The following COX16 variants were observed in gnomAD, a reference collection of about 807,000 sequenced individuals.
COX16 encodes the protein cytochrome c oxidase assembly protein COX16 homolog, mitochondrial.
Under a neutral mutation model 15.4 loss-of-function variants are expected in COX16, and 12 were observed. The ratio of observed to expected loss-of-function variants is 0.78; its 90% CI spans 0.50 to 1.26. COX16 has a LOEUF of 1.26. Ranked by LOEUF, COX16 falls within the 50% of genes most tolerant of loss-of-function variation. COX16 has a pLI of 0.00. For missense variants in COX16, 124 were observed against 127.6 expected (o/e 0.97, Z 0.14); for synonymous variants, 46 against 41.1 (o/e 1.12, Z -0.46).
chr14:70,325,203 G>A lies in COX16; in HGVS notation c.*1130C>T, dbSNP rs571050480. 2.0e-5 allele frequency: 3 copies of A among 152,192 alleles called. No individual in the cohort carries two copies. The highest frequency in any genetic ancestry group is 7.2e-5 in the African/African-American group (3 of 41,458). The allele number at this position is 152,192 out of a possible 1,614,324, so 9.4% of individuals were successfully genotyped here. ...ATTATAACAGGAGTGTTTCAATGGA[G>A]ACTTTAGGCAACTAGAACTCAGCAT... On this transcript the variant is annotated 3_prime_UTR_variant, in exon 4 of 4. Coordinates refer to ENST00000389912, the MANE Select transcript of COX16 (RefSeq NM_016468.7).
chr14:70,328,545 GA>G (rs1886167792), intron 3 of COX16, among the ~76,000 whole-genome samples: 1 of 152,148 alleles, frequency 6.6e-6, no homozygotes, highest in African/African-American at 2.4e-5. Flanking sequence ...TTAGATGGGT[GA>G]AAAGTGATAC....
At position 70,328,643 on chromosome 14, in the gene COX16, G is replaced by T. The variant is rs899093154; in HGVS notation, c.204+531C>A. Among the ~76,000 whole-genome samples the T allele has an allele frequency of 4.6e-5, 7 of 152,228 alleles. No homozygotes were observed. In the South Asian group the frequency reaches 1.5e-3, roughly 32 times the overall value. ...GATACTTATTTCCTTTTGTCCAAAA[G>T]TTTTACATGCTATGCTTTCCCATGT... On this transcript the variant is annotated intron_variant, in intron 3 of 3. Coordinates refer to ENST00000389912, the MANE Select transcript of COX16 (RefSeq NM_016468.7).
chr14:70,335,788 TCCCTGACTTA>T (rs1425907507), intron 2 of COX16, among the ~76,000 whole-genome samples: 10 of 152,146 alleles, frequency 6.6e-5, no homozygotes, highest in African/African-American at 2.4e-4. Context: ...AGCTTGCTGA[TCCCTGACTTA>T]GATTTGAAGC....
At chr14:70,359,194 A>G (rs1887220876) in intron 1 of COX16, 2 of 486,824 alleles carry the variant, frequency 4.1e-6, no homozygotes, top group Non-Finnish European at 4.0e-6. Flanking sequence ...TTCTGACTGA[A>G]TTCTCTGAGC....
intron 1 of COX16, among the ~76,000 whole-genome samples, chr14:70,356,093 T>G (rs1321235900): frequency 6.6e-6 from 1 of 151,642 alleles, no homozygotes. Context: ...AAAAGAAAAT[T>G]CTTTCCTTTA....
intron 2 of COX16, among the ~76,000 whole-genome samples, chr14:70,335,608 A>G (rs1886427825): frequency 6.6e-6 from 1 of 151,888 alleles, no homozygotes; most frequent in Non-Finnish European, 1.5e-5. Context: ...AGAGTTAAAA[A>G]AAAAAAAAAA....
rs1305588520 is a variant in COX16, at chr14:70,359,418, C to G, written c.69+101G>C. 3.7e-5 allele frequency: 40 copies of G among 1,091,922 alleles called. No homozygotes were observed. In the Admixed American group the frequency reaches 7.0e-4, roughly 19 times the overall value. 67.6% of individuals were successfully genotyped at this position (1,091,922 alleles called of 1,614,324 possible). On this transcript the variant is annotated intron_variant, in intron 1 of 3. Coordinates refer to ENST00000389912, the MANE Select transcript of COX16 (RefSeq NM_016468.7). ...CGCTAGCTCCTTCCTAGCCCGAGTG[C>G]CAGCCCTTAACTTCACATTTTACAG...
intron 3 of COX16, among the ~76,000 whole-genome samples, chr14:70,328,795 C>T (rs1334441362): frequency 6.6e-6 from 1 of 151,858 alleles, no homozygotes; most frequent in Non-Finnish European, 1.5e-5. Flanking sequence ...TAATCTGTGA[C>T]TTTATATACT....
At chr14:70,327,596 A>G (rs1886122819) in intron 3 of COX16, among the ~76,000 whole-genome samples, 1 of 152,184 alleles carries the variant, frequency 6.6e-6, no homozygotes, top group Non-Finnish European at 1.5e-5. Flanking sequence ...CTAATTTAGC[A>G]TACAAGAAGA....
intron 1 of COX16, among the ~76,000 whole-genome samples, chr14:70,348,884 G>A (rs1886860461): frequency 6.6e-6 from 1 of 152,086 alleles, no homozygotes; most frequent in African/African-American, 2.4e-5. Flanking sequence ...TCCTATATCG[G>A]CTGGAAATGC....
At chr14:70,344,605 G>C (rs1436241965) in intron 1 of COX16, among the ~76,000 whole-genome samples, 1 of 152,194 alleles carries the variant, frequency 6.6e-6, no homozygotes, top group Non-Finnish European at 1.5e-5. Flanking sequence ...TTGGATTTCA[G>C]AAGACACCTG....
chr14:70,352,661 T>C (rs1886996016), intron 1 of COX16, among the ~76,000 whole-genome samples: 1 of 129,246 alleles, frequency 7.7e-6, no homozygotes, highest in African/African-American at 2.6e-5. Flanking sequence ...TTTTTTTTTT[T>C]TTGAGACAGA....
chr14:70,327,136 G>GAAAT (rs200264101), intron 3 of COX16, among the ~76,000 whole-genome samples: 7,199 of 152,058 alleles, frequency 0.047, 226 homozygotes, highest in Non-Finnish European at 0.07. Context: ...TGGTTGTTCT[G>GAAAT]AAATAATTGA....
At chr14:70,340,323 T>C (rs1886588052) in intron 2 of COX16, among the ~76,000 whole-genome samples, 1 of 152,196 alleles carries the variant, frequency 6.6e-6, no homozygotes, top group Non-Finnish European at 1.5e-5. Context: ...TCCCCAGTCT[T>C]GTGAAACTGT....
intron 2 of COX16, 63 bp from the exon 3 acceptor site, chr14:70,329,299 T>C: frequency 2.0e-6 from 3 of 1,490,586 alleles, no homozygotes; most frequent in Non-Finnish European, 2.7e-6. Context: ...AATTTTCAAT[T>C]TTAAGTTATA....
At chr14:70,326,784 G>A (rs1886092701) in intron 3 of COX16, among the ~76,000 whole-genome samples, 1 of 152,012 alleles carries the variant, frequency 6.6e-6, no homozygotes, top group African/African-American at 2.4e-5. Context: ...ATCCAGCACA[G>A]TGACTGAAAG....
chr14:70,329,333 G>T, intron 2 of COX16, 97 bp from the exon 3 acceptor site: 2 of 1,053,510 alleles, frequency 1.9e-6, no homozygotes. Context: ...AAATACTATA[G>T]CCAAATACAA....
At chr14:70,340,894 C>T (rs1886605396) in intron 2 of COX16, among the ~76,000 whole-genome samples, 2 of 152,198 alleles carry the variant, frequency 1.3e-5, no homozygotes, top group South Asian at 4.2e-4. Flanking sequence ...AACTATACAC[C>T]TCTCCTTGAA....
rs534005352 is a variant in COX16, at chr14:70,349,648, CA to C, written c.70-6920del. ...GCTCTAAAAACCCAGCAGTTGTGGACAAAAAAAATCTCCCTTTTGCCCTCAT... is the reference window on the plus strand; with the variant it reads ...GCTCTAAAAACCCAGCAGTTGTGGACAAAAAAATCTCCCTTTTGCCCTCAT... On this transcript the variant is annotated intron_variant, in intron 1 of 3. Transcript: ENST00000389912. Among the ~76,000 whole-genome samples, 204 of 152,074 alleles carry C rather than the reference CA, an allele frequency of 1.3e-3. 2 individuals are homozygous for C. Among genetic ancestry groups the C allele is most frequent in the African/African-American group, 4.6e-3 (193 of 41,512 alleles).
Sources: gnomAD v4.1 joint callset for allele counts (sites outside exome capture counted in the v4.1 genomes callset) on GRCh38, gnomAD v4.1.1 for gene constraint, MANE v1.5 for transcripts, NCBI Gene and HGNC (gene_info 2026-07-23, HGNC 2026-07-21) for gene names.